Variants in LINGO2 observed in about 807,000 individuals in gnomAD.
LINGO2 encodes leucine rich repeat and Ig domain containing 2, also known as leucine-rich repeat and immunoglobulin-like domain-containing nogo receptor-interacting protein 2.
Under a neutral mutation model 30.6 loss-of-function variants are expected in LINGO2, and 14 were observed. The observed-to-expected ratio is 0.46, with a 90% CI of 0.30 to 0.72. The LOEUF (loss-of-function observed/expected upper bound fraction) is 0.72. Ranked by LOEUF, LINGO2 falls within the 30% of genes least tolerant of loss-of-function variation. The pLI is 0.07. For synonymous variants in LINGO2, 317 were observed against 288.5 expected (o/e 1.10, Z -1.00); for missense variants, 729 against 751.7 (o/e 0.97, Z 0.35).
At chr9:28,863,185 A>C in the LINGO2 span, among the ~76,000 whole-genome samples, 96 of 152,224 alleles carry the variant, frequency 6.3e-4, no homozygotes, top group African/African-American at 2.2e-3. Flanking sequence ...ACTGCATAAC[A>C]ATGATGTCTT....
chr9:28,192,915 A>G (rs772539589), intron 4 of LINGO2, among the ~76,000 whole-genome samples: 3 of 152,164 alleles, frequency 2.0e-5, no homozygotes, highest in Non-Finnish European at 4.4e-5. Context: ...ACAAGATAAA[A>G]TAATTTCAAC....
chr9:28,930,665 T>C, the LINGO2 span, among the ~76,000 whole-genome samples: 1 of 152,088 alleles, frequency 6.6e-6, no homozygotes, highest in Non-Finnish European at 1.5e-5. The surrounding 1 kb of genome is among the most constrained non-coding windows in gnomAD (Gnocchi z 4.2). Context: ...GTAGATTCTT[T>C]AGAAATTATC....
intron 2 of LINGO2, among the ~76,000 whole-genome samples, chr9:28,400,071 C>A (rs781706738): frequency 4.6e-5 from 7 of 152,232 alleles, no homozygotes; most frequent in Non-Finnish European, 5.9e-5. Context: ...TACATGGACA[C>A]AATGGAGCTG....
the LINGO2 span, among the ~76,000 whole-genome samples, chr9:28,848,397 G>GTGTGTATATATATATATATATATATA: frequency 2.1e-5 from 1 of 48,420 alleles, no homozygotes; most frequent in Non-Finnish European, 3.9e-5. Context: ...GTGTGTGTGT[G>GTGTGTATATATATATATATATATATA]TATATATATA....
intron 1 of LINGO2, among the ~76,000 whole-genome samples, chr9:28,508,117 G>A (rs1301132791): frequency 6.6e-6 from 1 of 151,794 alleles, no homozygotes; most frequent in African/African-American, 2.4e-5. Context: ...CTTTCTTATG[G>A]CACATATTAT....
chr9:28,919,743 C>G, the LINGO2 span, among the ~76,000 whole-genome samples: 3 of 30,530 alleles, frequency 9.8e-5, no homozygotes, highest in African/African-American at 2.2e-4. Flanking sequence ...CTTTATAAAA[C>G]TGGTATAAAC....
chr9:28,534,887 G>A (rs908763141), intron 1 of LINGO2, among the ~76,000 whole-genome samples: 1 of 152,014 alleles, frequency 6.6e-6, no homozygotes, highest in African/African-American at 2.4e-5. Flanking sequence ...TTAAAACAGA[G>A]CTGCTCTATT....
the LINGO2 span, among the ~76,000 whole-genome samples, chr9:29,175,110 C>A: frequency 6.6e-6 from 1 of 151,864 alleles, no homozygotes; most frequent in Admixed American, 6.6e-5. Context: ...AATACAAAAA[C>A]TAGCTGGGTG....
chr9:29,118,810 T>C, the LINGO2 span, among the ~76,000 whole-genome samples: 3 of 152,114 alleles, frequency 2.0e-5, no homozygotes, highest in African/African-American at 7.2e-5. Flanking sequence ...AGCCCATAAC[T>C]TGGCTCCGGG....
At chr9:28,705,342 T>G in the LINGO2 span, among the ~76,000 whole-genome samples, 1 of 152,058 alleles carries the variant, frequency 6.6e-6, no homozygotes, top group East Asian at 1.9e-4. Context: ...TAATTATAAT[T>G]CTATAATCTC....
intron 2 of LINGO2, among the ~76,000 whole-genome samples, chr9:28,459,457 A>AGT (rs1202633923): frequency 7.9e-5 from 12 of 152,076 alleles, no homozygotes; most frequent in Non-Finnish European, 1.8e-4. Context: ...AATACATGAG[A>AGT]GTTGAATCGA....
At chr9:28,608,501 G>T (rs966576452) in intron 1 of LINGO2, among the ~76,000 whole-genome samples, 1 of 151,816 alleles carries the variant, frequency 6.6e-6, no homozygotes, top group South Asian at 2.1e-4. Context: ...CATTCATACC[G>T]GTTATTATGT....
At chr9:28,039,315 A>T (rs1304115562) in intron 4 of LINGO2, among the ~76,000 whole-genome samples, 1 of 152,258 alleles carries the variant, frequency 6.6e-6, no homozygotes, top group Admixed American at 6.5e-5. Context: ...AATTTTAAAA[A>T]GCTTAAGAAG....
intron 2 of LINGO2, among the ~76,000 whole-genome samples, chr9:28,430,101 C>CGT (rs1554720059): frequency 0.49 from 36,938 of 75,498 alleles, 5,255 homozygotes; most frequent in Admixed American, 0.53. Flanking sequence ...TTTCCACGCG[C>CGT]GCGCGCGCGT....
At chr9:29,075,196 C>A in the LINGO2 span, among the ~76,000 whole-genome samples, 1 of 152,212 alleles carries the variant, frequency 6.6e-6, no homozygotes, top group African/African-American at 2.4e-5. Flanking sequence ...TCAAATTTAA[C>A]AACATTAATA....
At chr9:28,836,364 G>T in the LINGO2 span, among the ~76,000 whole-genome samples, 1 of 152,094 alleles carries the variant, frequency 6.6e-6, no homozygotes, top group Admixed American at 6.5e-5. Context: ...GCCCAGGCTG[G>T]AGTGCAATGG....
intron 5 of LINGO2, among the ~76,000 whole-genome samples, chr9:27,981,550 A>AAAAAAAAAAAAAAAAAAAAC (rs1820864449): frequency 8.5e-6 from 1 of 117,638 alleles, no homozygotes; most frequent in Non-Finnish European, 1.8e-5. Context: ...AAAAAAAAAA[A>AAAAAAAAAAAAAAAAAAAAC]GAAAAAAAAG....
chr9:28,953,665 T>C, the LINGO2 span, among the ~76,000 whole-genome samples: 4,115 of 152,174 alleles, frequency 0.027, 219 homozygotes, highest in African/African-American at 0.095. Context: ...TGGAAACCTA[T>C]GAAGAATATC....
At chr9:28,041,880 A>G (rs1824212428) in intron 4 of LINGO2, among the ~76,000 whole-genome samples, 1 of 152,232 alleles carries the variant, frequency 6.6e-6, no homozygotes, top group South Asian at 2.1e-4. Context: ...TTCAAAACCC[A>G]TGAACTACTT....
Sources: allele counts gnomAD v4.1 joint callset (sites outside exome capture counted in the v4.1 genomes callset), GRCh38; gene constraint gnomAD v4.1.1; non-coding constraint Gnocchi (gnomAD v3.1); transcripts MANE v1.5; gene names NCBI Gene and HGNC (gene_info 2026-07-23, HGNC 2026-07-21).